DOCK8: variants seen among roughly 807,000 people sequenced by gnomAD.
DOCK8 encodes dedicator of cytokinesis protein 8.
DOCK8 carries 141 observed loss-of-function variants against 245.6 expected under a neutral mutation model. That is an observed-to-expected ratio of 0.57 (90% confidence interval 0.50 to 0.66). The LOEUF (loss-of-function observed/expected upper bound fraction) is 0.66, where lower values mean the gene tolerates loss of function less well. Ranked by LOEUF, DOCK8 falls within the 30% of genes least tolerant of loss-of-function variation. The pLI is 0.00. For missense variants in DOCK8, 2,965 were observed against 2,603.4 expected, an observed-to-expected ratio of 1.14 and a Z score of -3.02; for synonymous variants, 1,168 against 970.2, an observed-to-expected ratio of 1.20 and a Z score of -3.79.
chr9:251,569 C>G (rs2047646839), intron 1 of DOCK8, among the ~76,000 whole-genome samples: 1 of 152,184 alleles, frequency 6.6e-6, no homozygotes, highest in Non-Finnish European at 1.5e-5. Context: ...CCGATAGCAG[C>G]TTTTTCTGAG....
At chr9:245,790 A>C (rs777318544) in intron 1 of DOCK8, among the ~76,000 whole-genome samples, 4 of 152,236 alleles carry the variant, frequency 2.6e-5, no homozygotes, top group Non-Finnish European at 5.9e-5. Flanking sequence ...GGTCATTGGC[A>C]GAATAGAGAT....
chr9:427,048 T>A (rs571062634), intron 34 of DOCK8, 67 bp downstream of exon 34: 2 of 1,363,218 alleles, frequency 1.5e-6, no homozygotes, highest in African/African-American at 2.9e-5. Context: ...AAGGACTTCT[T>A]TATGCAAAAT....
At chr9:430,886 T>C (rs2056684494) in intron 36 of DOCK8, among the ~76,000 whole-genome samples, 2 of 152,140 alleles carry the variant, frequency 1.3e-5, no homozygotes. Context: ...TATTTATTTA[T>C]TGAGACAGTG....
chr9:450,384 C>T (rs1046774728), intron 45 of DOCK8, among the ~76,000 whole-genome samples: 5 of 152,250 alleles, frequency 3.3e-5, no homozygotes, highest in African/African-American at 9.6e-5. Flanking sequence ...ATGCCAAGGA[C>T]CTTGACAACC....
chr9:434,906 G>A lies in DOCK8; in HGVS notation c.5010G>A (p.Ala1670=), dbSNP rs142208336. The A allele has an allele frequency of 3.0e-4, 491 of 1,613,840 alleles. 1 individual carries two copies. In the African/African-American group the frequency reaches 3.9e-3, roughly 13 times the overall value. Residue 1670 remains alanine (A), a synonymous_variant, in exon 39 of 48, where the codon GCG becomes GCA. Coordinates refer to ENST00000432829, the MANE Select transcript of DOCK8 (RefSeq NM_203447.4). Reference sequence around the variant, plus strand: ...CCATGTGCCTGGTGCACGCCGCTGCGTTAGTGGCTGAGTATCTGAGCATGC... The same window carrying A: ...CCATGTGCCTGGTGCACGCCGCTGCATTAGTGGCTGAGTATCTGAGCATGC... The part of the protein sequence containing the change: ...EAAMCLVHAA[A]LVAEYLSMLE...
Position 429,728 on chromosome 9 carries a change from G to GTAA in DOCK8, c.4500_4501insTAA (p.Glu1500_Val1501insTer). ...TTGGAGACTTACTCTTTGAAGAGGA[G>GTAA]GTGGAACAGTGTTTCGACCTATGTC... is the stretch of plus-strand genomic sequence containing the variant. On this transcript the variant is annotated stop_gained and inframe_insertion, in exon 36 of 48. Transcript: ENST00000432829. LOFTEE classifies it high-confidence loss of function. 6.2e-7 allele frequency: 1 copy of GTAA among 1,614,162 alleles called. No individual in the cohort carries two copies. The highest frequency in any genetic ancestry group is 8.5e-7 in the Non-Finnish European group (1 of 1,180,032).
intron 4 of DOCK8, among the ~76,000 whole-genome samples, chr9:302,880 C>A (rs1373559695): frequency 2.0e-5 from 3 of 151,820 alleles, no homozygotes; most frequent in Non-Finnish European, 4.4e-5. Context: ...GTAATCCCAG[C>A]ATTTTGGGAG....
intron 28 of DOCK8, among the ~76,000 whole-genome samples, chr9:407,597 C>G (rs776390488): frequency 8.6e-5 from 13 of 150,804 alleles, no homozygotes; most frequent in Non-Finnish European, 1.6e-4. Context: ...TACTCAGGGA[C>G]ATGTGGCAGT....
At chr9:349,128 A>T (rs2052038517) in intron 14 of DOCK8, among the ~76,000 whole-genome samples, 1 of 152,230 alleles carries the variant, frequency 6.6e-6, no homozygotes, top group Non-Finnish European at 1.5e-5. Context: ...TGGGAGGTGC[A>T]GGTAAACCCC....
intron 20 of DOCK8, among the ~76,000 whole-genome samples, chr9:378,992 G>A (rs1051323543): frequency 6.6e-6 from 1 of 152,198 alleles, no homozygotes; most frequent in East Asian, 1.9e-4. Context: ...GGTGGGACTT[G>A]TGCTGAGATT....
intron 2 of DOCK8, among the ~76,000 whole-genome samples, chr9:273,271 C>G (rs537276184): frequency 6.6e-4 from 100 of 152,088 alleles, no homozygotes; most frequent in African/African-American, 2.3e-3. Context: ...GCTAGACTGG[C>G]CTTTTTATTT....
At chr9:395,830 T>C (rs781473042) in intron 24 of DOCK8, among the ~76,000 whole-genome samples, 39 of 152,196 alleles carry the variant, frequency 2.6e-4, no homozygotes, top group Non-Finnish European at 4.6e-4. Flanking sequence ...CTAGTCATAA[T>C]GCAGACAGTC....
chr9:394,532 C>T (rs1315709413), intron 24 of DOCK8, among the ~76,000 whole-genome samples: 1 of 152,318 alleles, frequency 6.6e-6, no homozygotes, highest in Non-Finnish European at 1.5e-5. Flanking sequence ...AGTGCCCAAG[C>T]GCTAATGAAC....
chr9:433,810 G>A (rs1445082267), intron 37 of DOCK8, 65 bp from the exon 38 acceptor site: 9 of 1,351,050 alleles, frequency 6.7e-6, no homozygotes, highest in Non-Finnish European at 6.4e-6. Flanking sequence ...GCATTTCAAT[G>A]TAATCCTAAC....
At chr9:415,692 G>GCACACACA (rs140525484) in intron 29 of DOCK8, among the ~76,000 whole-genome samples, 2,097 of 151,074 alleles carry the variant, frequency 0.014, 37 homozygotes, top group African/African-American at 0.041. Context: ...GTGCGCGCGT[G>GCACACACA]CACACACACA....
intron 24 of DOCK8, among the ~76,000 whole-genome samples, chr9:394,356 C>T (rs1192394359): frequency 6.6e-6 from 1 of 152,216 alleles, no homozygotes; most frequent in Non-Finnish European, 1.5e-5. Flanking sequence ...AGACAAGGTG[C>T]CCAATTCTTC....
At chr9:280,188 T>C (rs943586073) in intron 2 of DOCK8, among the ~76,000 whole-genome samples, 7 of 152,310 alleles carry the variant, frequency 4.6e-5, no homozygotes, top group Admixed American at 4.6e-4. Flanking sequence ...ATTTAAGCTT[T>C]GGTGATATTT....
In DOCK8 at chr9:429,697, C is replaced by G. The variant is rs988045835; in HGVS notation, c.4474-5C>G. ...ATGCCTAATGGCCCTTTATGTCTCT[C>G]CTAGTTTGGAGACTTACTCTTTGAA... On this transcript the variant is annotated splice_region_variant and splice_polypyrimidine_tract_variant and intron_variant, in intron 35 of 47. Transcript: ENST00000432829. 6.2e-7 allele frequency: 1 copy of G among 1,614,030 alleles called. No individual in the cohort carries two copies. The highest frequency in any genetic ancestry group is 1.3e-5 in the African/African-American group (1 of 74,908).
intron 5 of DOCK8, 46 bp downstream of exon 5, chr9:304,750 T>C (rs953889249): frequency 4.3e-6 from 7 of 1,613,134 alleles, no homozygotes; most frequent in Non-Finnish European, 5.1e-6. Context: ...TGGGCTCTTC[T>C]GCCCAGGGCA....
Sources: allele counts gnomAD v4.1 joint callset (sites outside exome capture counted in the v4.1 genomes callset), GRCh38; gene constraint gnomAD v4.1.1; transcripts MANE v1.5; gene names NCBI Gene and HGNC (gene_info 2026-07-23, HGNC 2026-07-21).